The following USP45 variants were observed in gnomAD, a reference collection of about 807,000 sequenced individuals.
USP45 encodes the protein ubiquitin carboxyl-terminal hydrolase 45.
In USP45, 89 loss-of-function variants were observed where a neutral mutation model predicts 95.8. That is an observed-to-expected ratio of 0.93 (90% CI 0.78 to 1.11). The LOEUF is 1.11. Ranked by LOEUF, USP45 falls within the 50% of genes least tolerant of loss-of-function variation. The probability of loss-of-function intolerance (pLI) is 0.00; values close to 1 mark genes in which losing one functional copy is unlikely to be tolerated. For synonymous variants in USP45, 281 were observed against 316.2 expected (o/e 0.89, Z 1.18); for missense variants, 898 against 942.5 (o/e 0.95, Z 0.62).
chr6:99,501,382 T>C (rs951844334), intron 5 of USP45, among the ~76,000 whole-genome samples: 1 of 152,198 alleles, frequency 6.6e-6, no homozygotes, highest in Non-Finnish European at 1.5e-5. Flanking sequence ...TTCCTTACCA[T>C]GGAGTTCATT....
intron 5 of USP45, among the ~76,000 whole-genome samples, chr6:99,503,524 G>T (rs1036658235): frequency 2.0e-5 from 3 of 151,910 alleles, no homozygotes; most frequent in Non-Finnish European, 4.4e-5. Flanking sequence ...TAGAGACGGG[G>T]TTTCACCATG....
At chr6:99,493,878 A>G (rs1795743488) in intron 5 of USP45, among the ~76,000 whole-genome samples, 1 of 152,142 alleles carries the variant, frequency 6.6e-6, no homozygotes, top group Non-Finnish European at 1.5e-5. Context: ...ATAACAAAGC[A>G]TTTTTCAATC....
chr6:99,477,473 C>T (rs758613701), intron 8 of USP45, among the ~76,000 whole-genome samples: 12 of 151,952 alleles, frequency 7.9e-5, no homozygotes, highest in South Asian at 2.1e-4. Context: ...CCATCGTGCC[C>T]GGCTAATTTT....
intron 8 of USP45, among the ~76,000 whole-genome samples, chr6:99,478,305 T>C (rs905810601): frequency 6.7e-6 from 1 of 148,700 alleles, no homozygotes; most frequent in African/African-American, 2.5e-5. Context: ...ATGGAGCCTA[T>C]CTGAGCTACC....
chr6:99,444,531 T>C (rs573702833), intron 14 of USP45, among the ~76,000 whole-genome samples: 4 of 152,268 alleles, frequency 2.6e-5, no homozygotes, highest in African/African-American at 7.2e-5. Flanking sequence ...GCCTGTCACA[T>C]GCAAACCAAT....
At chr6:99,507,656 G>C in intron 3 of USP45, 125 bp from the exon 4 acceptor site, 80 of 598,444 alleles carry the variant, frequency 1.3e-4, no homozygotes, top group East Asian at 2.1e-4. Flanking sequence ...AGAGGAGAAA[G>C]TTTCAAAAAA....
At chr6:99,480,755 T>C (rs188463125) in intron 8 of USP45, among the ~76,000 whole-genome samples, 10 of 152,148 alleles carry the variant, frequency 6.6e-5, no homozygotes, top group Non-Finnish European at 1.5e-4. Flanking sequence ...ACTATGAAGC[T>C]ACAGTAATCA....
At position 99,435,455 on chromosome 6, in the gene USP45, C is replaced by T. The variant is rs901135863; in HGVS notation, c.*261G>A. The T allele has an allele frequency of 4.1e-5, 12 of 290,992 alleles. 1 individual carries two copies. In the East Asian group the frequency reaches 7.1e-4, roughly 17 times the overall value. The allele number at this position is 290,992 out of a possible 1,614,324, so 18.0% of individuals were successfully genotyped here. On this transcript the variant is annotated 3_prime_UTR_variant, in exon 18 of 18. Coordinates refer to ENST00000500704, the MANE Select transcript of USP45 (RefSeq NM_001346022.3). The stretch of plus-strand genomic sequence containing the variant: ...CCACATCATAAAGGGGTTTCCTTTC[C>T]TACTGTAAATTCTGGGAAGTTTTTG...
intron 15 of USP45, among the ~76,000 whole-genome samples, chr6:99,440,911 T>C (rs1781398837): frequency 6.6e-6 from 1 of 152,200 alleles, no homozygotes; most frequent in African/African-American, 2.4e-5. Context: ...AATCAGTACT[T>C]TGCTGTTGAG....
chr6:99,463,768 C>T (rs796692940), intron 13 of USP45, among the ~76,000 whole-genome samples: 18 of 134,296 alleles, frequency 1.3e-4, no homozygotes, highest in African/African-American at 4.4e-4. Flanking sequence ...GCCAAGATCG[C>T]GCCACCTGGG....
intron 4 of USP45, among the ~76,000 whole-genome samples, chr6:99,505,394 A>G (rs1191623777): frequency 6.6e-6 from 1 of 152,124 alleles, no homozygotes; most frequent in Admixed American, 6.6e-5. Flanking sequence ...GGCCGGGTGT[A>G]GTGGCTCACA....
At chr6:99,476,060 A>C (rs943960125) in intron 9 of USP45, 83 bp downstream of exon 9, 34 of 1,279,090 alleles carry the variant, frequency 2.7e-5, no homozygotes, top group Non-Finnish European at 3.4e-5. Flanking sequence ...CAGATGATCC[A>C]CCCCGCCTTG....
intron 13 of USP45, among the ~76,000 whole-genome samples, chr6:99,448,564 C>G (rs1783069347): frequency 6.6e-6 from 1 of 152,164 alleles, no homozygotes; most frequent in Admixed American, 6.5e-5. Context: ...TGTCTGATTG[C>G]TGTACCTGAA....
intron 4 of USP45, 35 bp from the exon 5 acceptor site, chr6:99,503,900 A>T: frequency 7.2e-7 from 1 of 1,394,238 alleles, no homozygotes; most frequent in Non-Finnish European, 9.7e-7. Context: ...AATATTATGA[A>T]AATATTCTCA....
intron 13 of USP45, among the ~76,000 whole-genome samples, chr6:99,450,274 G>A (rs1283097525): frequency 1.3e-5 from 2 of 151,668 alleles, no homozygotes; most frequent in Admixed American, 6.6e-5. Flanking sequence ...CAACAAAATC[G>A]ATAAACCACT....
chr6:99,476,689 G>A (rs916720172), intron 8 of USP45, among the ~76,000 whole-genome samples: 2 of 152,148 alleles, frequency 1.3e-5, no homozygotes, highest in South Asian at 2.1e-4. Context: ...TACACATGAG[G>A]ACTCAGCAGT....
intron 13 of USP45, among the ~76,000 whole-genome samples, chr6:99,449,295 CAT>C (rs1783292750): frequency 6.6e-6 from 1 of 152,160 alleles, no homozygotes; most frequent in Admixed American, 6.5e-5. Context: ...CAGAGACACA[CAT>C]AGACTCAAAA....
intron 13 of USP45, among the ~76,000 whole-genome samples, chr6:99,456,134 G>A (rs1169937844): frequency 6.8e-4 from 61 of 89,502 alleles, no homozygotes; most frequent in East Asian, 2.1e-3. Flanking sequence ...CTCTGTCTCG[G>A]AAAAAAAAAA....
At chr6:99,445,690 G>T in intron 14 of USP45, 107 bp downstream of exon 14, 1 of 833,986 alleles carries the variant, frequency 1.2e-6, no homozygotes. Context: ...CTCTGCCTAA[G>T]TAACACAAGT....
Sources: gnomAD v4.1 joint callset for allele counts (sites outside exome capture counted in the v4.1 genomes callset) on GRCh38, gnomAD v4.1.1 for gene constraint, MANE v1.5 for transcripts, NCBI Gene and HGNC (gene_info 2026-07-23, HGNC 2026-07-21) for gene names.